SMARCAD1: variants seen among roughly 807,000 people sequenced by gnomAD.
SMARCAD1 encodes the protein SWI/SNF-related matrix-associated actin-dependent regulator of chromatin subfamily A containing DEAD/H box 1.
SMARCAD1 carries 25 observed loss-of-function variants against 127.1 expected under a neutral mutation model. The ratio of observed to expected loss-of-function variants is 0.20; its 90% CI spans 0.14 to 0.27. SMARCAD1 has a LOEUF of 0.27. Among genes scored for constraint, SMARCAD1 ranks in the 10% least tolerant of loss-of-function variants. The pLI, the probability that SMARCAD1 is intolerant of heterozygous loss-of-function variation, is 1.00. For missense variants in SMARCAD1, 807 were observed against 1,206.0 expected, an observed-to-expected ratio of 0.67 and a Z score of 4.90; for synonymous variants, 400 against 396.9, an observed-to-expected ratio of 1.01 and a Z score of -0.09.
At chr4:94,225,831 A>G (rs941801326) in intron 2 of SMARCAD1, among the ~76,000 whole-genome samples, 2 of 152,200 alleles carry the variant, frequency 1.3e-5, no homozygotes, top group Non-Finnish European at 2.9e-5. Context: ...AGTAAAACCT[A>G]AGTGCTACAA....
At chr4:94,277,535 A>G (rs755783073) in intron 16 of SMARCAD1, among the ~76,000 whole-genome samples, 9 of 152,236 alleles carry the variant, frequency 5.9e-5, no homozygotes, top group East Asian at 1.9e-4. Context: ...AGACAAAGCT[A>G]GAATATCCAG....
chr4:94,215,231 G>C (rs546672404), intron 2 of SMARCAD1, among the ~76,000 whole-genome samples: 6 of 152,172 alleles, frequency 3.9e-5, no homozygotes, highest in Non-Finnish European at 1.5e-5. Flanking sequence ...TAATTGAAAA[G>C]CAATACTTAG....
rs78418876 is a variant in SMARCAD1, at chr4:94,230,360, A to G, written c.369-3594A>G. 1.2e-3 allele frequency among the ~76,000 whole-genome samples: 175 copies of G among 152,094 alleles called. 3 individuals are homozygous for G. In the East Asian group the frequency reaches 0.026, roughly 23 times the overall value. On this transcript the variant is annotated intron_variant, in intron 3 of 23. Transcript: ENST00000354268. ...TCATTTGTTCTTTTATTTACTTAGC[A>G]TATATGTATATATCTCCTGGAAATC... is the stretch of plus-strand genomic sequence containing the variant.
At chr4:94,261,849 G>C (rs1565062) in intron 9 of SMARCAD1, among the ~76,000 whole-genome samples, 1 of 151,982 alleles carries the variant, frequency 6.6e-6, no homozygotes, top group African/African-American at 2.4e-5. Context: ...GGCTCAAACA[G>C]TGCTCTTGCC....
At chr4:94,234,254 G>A (rs1252641022) in intron 4 of SMARCAD1, 132 bp downstream of exon 4, 1 of 821,452 alleles carries the variant, frequency 1.2e-6, no homozygotes, top group African/African-American at 1.7e-5. Context: ...AAATCTAAAG[G>A]AAGTAAATGC....
intron 3 of SMARCAD1, among the ~76,000 whole-genome samples, chr4:94,227,032 C>G (rs751808178): frequency 3.3e-5 from 5 of 151,778 alleles, no homozygotes; most frequent in Non-Finnish European, 5.9e-5. Context: ...TTCTAAAGAG[C>G]GTGGTCAGAA....
intron 9 of SMARCAD1, chr4:94,253,767 A>T: frequency 1.2e-6 from 1 of 824,380 alleles, no homozygotes; most frequent in Non-Finnish European, 1.5e-6. Flanking sequence ...GAATGCCAAC[A>T]GTCATCAAAT....
intron 9 of SMARCAD1, among the ~76,000 whole-genome samples, chr4:94,257,701 A>G (rs1335328185): frequency 1.3e-5 from 2 of 152,134 alleles, no homozygotes; most frequent in Non-Finnish European, 2.9e-5. Context: ...AAAAATCTAT[A>G]TCCACCCTTT....
chr4:94,256,630 C>G (rs554641357), intron 9 of SMARCAD1, among the ~76,000 whole-genome samples: 1 of 152,100 alleles, frequency 6.6e-6, no homozygotes, highest in Non-Finnish European at 1.5e-5. Context: ...CTCCAAGTGC[C>G]GGGGTTACAG....
At chr4:94,281,089 GTTAGT>G (rs1753952974) in intron 20 of SMARCAD1, among the ~76,000 whole-genome samples, 2 of 152,130 alleles carry the variant, frequency 1.3e-5, no homozygotes, top group Admixed American at 6.5e-5. Flanking sequence ...GACACTATTT[GTTAGT>G]TATTTAAGTA....
At chr4:94,238,135 G>T (rs1443620287) in intron 5 of SMARCAD1, among the ~76,000 whole-genome samples, 1 of 151,986 alleles carries the variant, frequency 6.6e-6, no homozygotes, top group Non-Finnish European at 1.5e-5. Context: ...CCACTAAGTG[G>T]CCTGTATTCA....
At chr4:94,259,408 G>C (rs997176585) in intron 9 of SMARCAD1, among the ~76,000 whole-genome samples, 4 of 152,112 alleles carry the variant, frequency 2.6e-5, no homozygotes, top group African/African-American at 9.7e-5. Context: ...GTCTACTGCT[G>C]TTTTACATTC....
intron 2 of SMARCAD1, chr4:94,213,200 A>T: frequency 1.3e-6 from 1 of 792,698 alleles, no homozygotes; most frequent in Non-Finnish European, 1.8e-6. Flanking sequence ...AAACCATATA[A>T]TAGGGCAAAA....
chr4:94,239,485 A>C (rs561819132), intron 5 of SMARCAD1, among the ~76,000 whole-genome samples: 24 of 151,928 alleles, frequency 1.6e-4, no homozygotes, highest in South Asian at 1.2e-3. Flanking sequence ...TGTATATCCA[A>C]AGTTTTTACT....
intron 2 of SMARCAD1, among the ~76,000 whole-genome samples, chr4:94,217,838 A>G (rs1378849382): frequency 1.3e-5 from 2 of 152,194 alleles, no homozygotes; most frequent in Admixed American, 6.5e-5. Flanking sequence ...TATAACTACA[A>G]TTTTTAATGG....
chr4:94,266,650 G>A (rs948645172), intron 10 of SMARCAD1, among the ~76,000 whole-genome samples: 1 of 152,066 alleles, frequency 6.6e-6, no homozygotes, highest in African/African-American at 2.4e-5. Flanking sequence ...GACATTTAAA[G>A]TTGTCTCCTT....
In SMARCAD1 at chr4:94,210,929, C is replaced by CAAAAAAA. The variant is rs747690168; in HGVS notation, c.190+2360_190+2366dup. On this transcript the variant is annotated intron_variant, in intron 2 of 23. Transcript: ENST00000354268. ...AGCCTGGGGGACAGAGACTGTATCT[C>CAAAAAAA]AAAAAAAAAAAAAAAAAAAAAGGTA... Among the ~76,000 whole-genome samples the CAAAAAAA allele has an allele frequency of 4.9e-3, 278 of 57,020 alleles. 8 individuals are homozygous for CAAAAAAA. The highest frequency in any genetic ancestry group is 0.022 in the African/African-American group (264 of 11,968). The allele number at this position is 57,020 out of a possible 152,430, so 37.4% of individuals were successfully genotyped here. A position where few individuals can be genotyped will look rare whatever the true frequency, so the allele number is the denominator to read the frequency against.
At chr4:94,283,357 T>C in intron 22 of SMARCAD1, 54 bp downstream of exon 22, 1 of 1,540,020 alleles carries the variant, frequency 6.5e-7, no homozygotes, top group Non-Finnish European at 8.9e-7. Flanking sequence ...TTAATTTGTG[T>C]AGACCATTAG....
chr4:94,227,698 A>G (rs188835642), intron 3 of SMARCAD1, among the ~76,000 whole-genome samples: 1 of 152,316 alleles, frequency 6.6e-6, no homozygotes, highest in East Asian at 1.9e-4. Flanking sequence ...AAAGTCAGCA[A>G]TTCATTCTTG....
Sources: gnomAD v4.1 joint callset for allele counts (sites outside exome capture counted in the v4.1 genomes callset) on GRCh38, gnomAD v4.1.1 for gene constraint, MANE v1.5 for transcripts, NCBI Gene and HGNC (gene_info 2026-07-23, HGNC 2026-07-21) for gene names.